EPHA7: variants seen among roughly 807,000 people sequenced by gnomAD.
The protein encoded by EPHA7 is EPH receptor A7.
A neutral mutation model predicts 112.6 loss-of-function variants in EPHA7; 25 were observed. That is an observed-to-expected ratio of 0.22 (90% CI 0.16 to 0.31). EPHA7 has a LOEUF of 0.31. Ranked by LOEUF, EPHA7 falls within the 10% of genes least tolerant of loss-of-function variation. The pLI, the probability that EPHA7 is intolerant of heterozygous loss-of-function variation, is 1.00. For synonymous variants in EPHA7, 437 were observed against 406.5 expected (o/e 1.07, Z -0.90); for missense variants, 962 against 1,212.6 (o/e 0.79, Z 3.07).
At chr6:93,302,880 A>G (rs928648187) in intron 5 of EPHA7, among the ~76,000 whole-genome samples, 16 of 151,644 alleles carry the variant, frequency 1.1e-4, no homozygotes, top group African/African-American at 3.6e-4. Context: ...AGGGAGAAAT[A>G]CTCGCCTTTT....
intron 5 of EPHA7, among the ~76,000 whole-genome samples, chr6:93,335,949 C>T (rs1420168015): frequency 6.6e-6 from 1 of 152,010 alleles, no homozygotes; most frequent in Non-Finnish European, 1.5e-5. Context: ...ATATGAGAGA[C>T]ATATAATGAA....
intron 5 of EPHA7, among the ~76,000 whole-genome samples, chr6:93,355,796 T>C (rs1443668461): frequency 4.6e-5 from 7 of 152,196 alleles, no homozygotes. Context: ...AAGTGTAAAC[T>C]ACCTTTAGGC....
chr6:93,273,304 A>T (rs186962), intron 5 of EPHA7, among the ~76,000 whole-genome samples: 14,624 of 151,792 alleles, frequency 0.096, 785 homozygotes, highest in Admixed American at 0.14. Flanking sequence ...GCTTGGCTGA[A>T]TTTCAGTGGG....
chr6:93,310,681 C>T (rs1195034952), intron 5 of EPHA7, among the ~76,000 whole-genome samples: 4 of 151,544 alleles, frequency 2.6e-5, no homozygotes, highest in Non-Finnish European at 5.9e-5. Context: ...AAAAAAGTTA[C>T]GTTTACATTA....
intron 5 of EPHA7, among the ~76,000 whole-genome samples, chr6:93,319,909 C>A (rs1012901446): frequency 5.5e-4 from 83 of 152,046 alleles, no homozygotes; most frequent in African/African-American, 2.0e-3. Context: ...ATCTATACAG[C>A]AATAAAAGTT....
chr6:93,391,368 G>C (rs1777896953), intron 3 of EPHA7, among the ~76,000 whole-genome samples: 1 of 151,906 alleles, frequency 6.6e-6, no homozygotes. Flanking sequence ...ACTGGCAAGA[G>C]AGGAAAAGAA....
intron 5 of EPHA7, among the ~76,000 whole-genome samples, chr6:93,293,628 A>G (rs1234503185): frequency 6.6e-6 from 1 of 152,170 alleles, no homozygotes; most frequent in African/African-American, 2.4e-5. Flanking sequence ...ACAAGTGACA[A>G]TATCAACTCC....
chr6:93,261,935 T>C (rs1225126887), intron 9 of EPHA7, among the ~76,000 whole-genome samples: 1 of 151,532 alleles, frequency 6.6e-6, no homozygotes, highest in Non-Finnish European at 1.5e-5. Flanking sequence ...CAACTGACCT[T>C]CTGCATTAAC....
chr6:93,316,649 G>A lies in EPHA7; in HGVS notation c.1324+40068C>T, dbSNP rs541539851. On this transcript the variant is annotated intron_variant, in intron 5 of 16. Transcript: ENST00000369303. ...TATTTACATATAAAATATCAATTGT[G>A]CAAAGAAATTACTTTCTATATTAAC... Among the ~76,000 whole-genome samples, 790 of 152,112 alleles carry A rather than the reference G, an allele frequency of 5.2e-3. 6 individuals are homozygous for A. The highest frequency in any genetic ancestry group is 0.018 in the African/African-American group (749 of 41,510).
At chr6:93,316,249 A>G (rs775159925) in intron 5 of EPHA7, among the ~76,000 whole-genome samples, 2 of 152,180 alleles carry the variant, frequency 1.3e-5, no homozygotes, top group African/African-American at 2.4e-5. Flanking sequence ...ATGCATATGT[A>G]GGAGATTATT....
At chr6:93,269,248 T>C (rs2127876949) in intron 7 of EPHA7, among the ~76,000 whole-genome samples, 1 of 151,874 alleles carries the variant, frequency 6.6e-6, no homozygotes, top group South Asian at 2.1e-4. Flanking sequence ...AAAATAAATC[T>C]TGTATGCGTT....
intron 5 of EPHA7, among the ~76,000 whole-genome samples, chr6:93,329,899 A>T (rs940962699): frequency 6.6e-6 from 1 of 151,236 alleles, no homozygotes; most frequent in Non-Finnish European, 1.5e-5. Context: ...GGAGCAGAAG[A>T]TACTGAACAA....
intron 4 of EPHA7, 35 bp from the exon 5 acceptor site, chr6:93,357,087 A>G: frequency 6.8e-7 from 1 of 1,478,898 alleles, no homozygotes; most frequent in Non-Finnish European, 9.1e-7. Flanking sequence ...TAAATAAGCA[A>G]AAATAGAAAA....
intron 5 of EPHA7, among the ~76,000 whole-genome samples, chr6:93,340,984 C>T (rs922587462): frequency 6.6e-6 from 1 of 151,824 alleles, no homozygotes; most frequent in Non-Finnish European, 1.5e-5. Context: ...CATGGGCTCA[C>T]CTGCATAGGA....
chr6:93,352,739 G>A (rs1417570072), intron 5 of EPHA7, among the ~76,000 whole-genome samples: 3 of 152,038 alleles, frequency 2.0e-5, no homozygotes, highest in Non-Finnish European at 2.9e-5. Context: ...GGAAAACTAT[G>A]GAATACTACA....
intron 5 of EPHA7, among the ~76,000 whole-genome samples, chr6:93,280,496 T>C (rs570672679): frequency 6.6e-6 from 1 of 152,340 alleles, no homozygotes; most frequent in African/African-American, 2.4e-5. Flanking sequence ...TTTCTGTTGA[T>C]AGTTGAGTGG....
rs777383467 is a variant in EPHA7, at chr6:93,246,889, G to T, written c.2629C>A (p.Arg877Ser). 2 of 1,613,744 alleles carry T rather than the reference G, an allele frequency of 1.2e-6. No homozygotes were observed. Among genetic ancestry groups the T allele is most frequent in the Non-Finnish European group, 1.7e-6 (2 of 1,179,734 alleles). Residue 877 changes from arginine (R) to serine (S), a missense_variant, in exon 15 of 17, where the codon CGT becomes AGT. Physicochemically the swap from Arg to Ser is moderately radical, Grantham distance 110 (BLOSUM62 -1). Transcript: ENST00000369303. ...QLMLDCWQKERAERPKFEQIV... is the reference protein window; with the variant it reads ...QLMLDCWQKESAERPKFEQIV... ...TGTTCAAATTTTGGCCTTTCAGCACGCTCCTTTTGCCAACAATCCAACATT... is the reference window on the plus strand; with the variant it reads ...TGTTCAAATTTTGGCCTTTCAGCACTCTCCTTTTGCCAACAATCCAACATT...
chr6:93,342,503 C>T (rs2127923025), intron 5 of EPHA7, among the ~76,000 whole-genome samples: 1 of 151,726 alleles, frequency 6.6e-6, no homozygotes, highest in African/African-American at 2.4e-5. Flanking sequence ...TGACTAGTCC[C>T]TAGGGTGCAA....
At position 93,315,017 on chromosome 6, in the gene EPHA7, C is replaced by T. The variant is rs1206580035; in HGVS notation, c.1324+41700G>A. ...AGCTGGGACTACAGGCGCCCGCCACCACGCCCGGCTAATTTTTTGTATTTT... is the reference window on the plus strand; with the variant it reads ...AGCTGGGACTACAGGCGCCCGCCACTACGCCCGGCTAATTTTTTGTATTTT... On this transcript the variant is annotated intron_variant, in intron 5 of 16. Transcript: ENST00000369303. Among the ~76,000 whole-genome samples the T allele has an allele frequency of 1.0e-4, 15 of 149,702 alleles. 1 individual carries two copies. The East Asian group carries it at 1.2e-3, about 12-fold the overall frequency.
Sources: gnomAD v4.1 joint callset for allele counts (sites outside exome capture counted in the v4.1 genomes callset) on GRCh38, gnomAD v4.1.1 for gene constraint, MANE v1.5 for transcripts, NCBI Gene and HGNC (gene_info 2026-07-23, HGNC 2026-07-21) for gene names.